Variants in MCTP1 observed in about 807,000 individuals in gnomAD.
The protein encoded by MCTP1 is multiple C2 and transmembrane domain-containing protein 1.
MCTP1 carries 69 observed loss-of-function variants against 120.6 expected under a neutral mutation model. The ratio of observed to expected loss-of-function variants is 0.57; its 90% confidence interval spans 0.47 to 0.70. The LOEUF is 0.70. MCTP1 is among the 30% of genes least tolerant of loss of function. MCTP1 has a pLI of 0.00. For synonymous variants in MCTP1, 529 were observed against 493.1 expected (o/e 1.07, Z -0.96); for missense variants, 1,203 against 1,248.8 (o/e 0.96, Z 0.55).
Position 94,735,790 on chromosome 5 carries a change from A to C in MCTP1, c.2611-20904T>G, listed in dbSNP as rs1398272095. On this transcript the variant is annotated intron_variant, in intron 19 of 22. Transcript: ENST00000515393. The stretch of plus-strand genomic sequence containing the variant: ...CACCAAAATTGCTACACTAAAAGAG[A>C]CTTTAAAATATATCTGTGCATTATA... Among the ~76,000 whole-genome samples, 3 of 142 alleles carry C rather than the reference A, an allele frequency of 0.021. No individual in the cohort carries two copies. In the Middle Eastern group the frequency reaches 0.5, roughly 24 times the overall value. The allele number at this position is 142 out of a possible 152,430, so 0.1% of individuals were successfully genotyped here.
intron 17 of MCTP1, among the ~76,000 whole-genome samples, chr5:94,861,338 C>T (rs1231269959): frequency 6.6e-6 from 1 of 151,824 alleles, no homozygotes; most frequent in African/African-American, 2.4e-5. Context: ...AATTAACGAA[C>T]ACATTCATAA....
chr5:94,772,136 C>T (rs1327109362), intron 19 of MCTP1, among the ~76,000 whole-genome samples: 2 of 152,150 alleles, frequency 1.3e-5, no homozygotes, highest in African/African-American at 2.4e-5. Context: ...AGGTCCTTCT[C>T]ATACTTGATG....
chr5:94,741,702 C>T (rs987945489), intron 19 of MCTP1, among the ~76,000 whole-genome samples: 1 of 152,198 alleles, frequency 6.6e-6, no homozygotes, highest in Non-Finnish European at 1.5e-5. Flanking sequence ...GTAAGAACCT[C>T]GTCTAGCAAA....
rs57665768 is a variant in MCTP1, at chr5:95,066,189, C to CA, written c.721-48706dup. ...ACCAAATAATCAAACTTAAAAATGA[C>CA]AAAGACCTGAATAGATCTTCCTGAA... On this transcript the variant is annotated intron_variant, in intron 1 of 22. Transcript: ENST00000515393. 8.9e-3 allele frequency among the ~76,000 whole-genome samples: 1,358 copies of CA among 152,148 alleles called. 21 individuals carry two copies. The highest frequency in any genetic ancestry group is 0.031 in the African/African-American group (1,267 of 41,528).
chr5:94,930,227 TTACATTTAAATA>T (rs70978139), intron 6 of MCTP1, among the ~76,000 whole-genome samples: 19,757 of 149,096 alleles, frequency 0.13, 1,421 homozygotes, highest in African/African-American at 0.16. Context: ...AAAATTATAT[TTACATTTAAATA>T]TACATTTAAT....
intron 8 of MCTP1, among the ~76,000 whole-genome samples, chr5:94,914,758 T>G (rs1289978992): frequency 6.6e-6 from 1 of 152,260 alleles, no homozygotes; most frequent in Admixed American, 6.5e-5. Flanking sequence ...TGCTCCTGTC[T>G]GTTCTCCATA....
intron 9 of MCTP1, among the ~76,000 whole-genome samples, chr5:94,911,733 T>C (rs2153440531): frequency 6.6e-6 from 1 of 152,304 alleles, no homozygotes; most frequent in Admixed American, 6.5e-5. Flanking sequence ...GCCAAAAATA[T>C]AGTTATGACT....
At chr5:95,147,437 C>T (rs1178164988) in intron 1 of MCTP1, among the ~76,000 whole-genome samples, 1 of 152,186 alleles carries the variant, frequency 6.6e-6, no homozygotes, top group Non-Finnish European at 1.5e-5. Flanking sequence ...GAGTTGAACC[C>T]TTTGCCATTA....
At chr5:94,759,175 C>G (rs1221804354) in intron 19 of MCTP1, among the ~76,000 whole-genome samples, 2 of 152,206 alleles carry the variant, frequency 1.3e-5, no homozygotes, top group Admixed American at 6.5e-5. Context: ...CACCAGATCT[C>G]TACAGACAAG....
chr5:94,857,477 T>C (rs1028001894), intron 17 of MCTP1, among the ~76,000 whole-genome samples: 2 of 151,702 alleles, frequency 1.3e-5, no homozygotes, highest in Non-Finnish European at 3.0e-5. Context: ...TGGAGAGCCA[T>C]GCATTTGTGA....
At chr5:94,873,881 T>C (rs1740936872) in intron 12 of MCTP1, among the ~76,000 whole-genome samples, 1 of 151,986 alleles carries the variant, frequency 6.6e-6, no homozygotes, top group African/African-American at 2.4e-5. Context: ...GCAGTATTTT[T>C]TTTTTTTCTA....
chr5:95,163,579 C>T (rs1745988080), intron 1 of MCTP1, among the ~76,000 whole-genome samples: 1 of 152,152 alleles, frequency 6.6e-6, no homozygotes, highest in Non-Finnish European at 1.5e-5. Flanking sequence ...ACTGCATATT[C>T]AATAGTATAT....
chr5:95,254,061 A>G (rs1562280221), intron 1 of MCTP1, among the ~76,000 whole-genome samples: 1 of 152,182 alleles, frequency 6.6e-6, no homozygotes, highest in Non-Finnish European at 1.5e-5. Context: ...ACCACAAACT[A>G]CAGAAGCATT....
intron 1 of MCTP1, among the ~76,000 whole-genome samples, chr5:95,200,818 A>G (rs553119363): frequency 6.6e-6 from 1 of 152,222 alleles, no homozygotes. Flanking sequence ...ACAAAAACTG[A>G]TGCGTATGTG....
chr5:94,870,529 AT>A, intron 15 of MCTP1, 38 bp from the exon 16 acceptor site: 1 of 1,375,166 alleles, frequency 7.3e-7, no homozygotes, highest in Non-Finnish European at 1.0e-6. Context: ...GGATTAATAT[AT>A]TACAAATGTT....
intron 1 of MCTP1, among the ~76,000 whole-genome samples, chr5:95,061,045 C>T (rs1748915431): frequency 6.8e-6 from 1 of 146,398 alleles, no homozygotes; most frequent in Non-Finnish European, 1.5e-5. Context: ...CAGCATGAAG[C>T]CATGAAGCCA....
intron 17 of MCTP1, among the ~76,000 whole-genome samples, chr5:94,832,789 A>G (rs1788847414): frequency 6.6e-6 from 1 of 152,214 alleles, no homozygotes; most frequent in Non-Finnish European, 1.5e-5. Flanking sequence ...TTGACACATC[A>G]TTAAGCTCCC....
At chr5:95,252,157 C>A (rs1165478717) in intron 1 of MCTP1, among the ~76,000 whole-genome samples, 1 of 152,150 alleles carries the variant, frequency 6.6e-6, no homozygotes, top group Non-Finnish European at 1.5e-5. Context: ...GGGGACTTGA[C>A]AGCACCATTT....
At chr5:94,789,744 AGTT>A (rs1022615181) in intron 18 of MCTP1, 2 of 152,172 alleles carry the variant, frequency 1.3e-5, no homozygotes, top group African/African-American at 4.8e-5. Context: ...GTATTCTATC[AGTT>A]GTTTGTTTCT....
Sources: gnomAD v4.1 joint callset for allele counts (sites outside exome capture counted in the v4.1 genomes callset) on GRCh38, gnomAD v4.1.1 for gene constraint, MANE v1.5 for transcripts, NCBI Gene and HGNC (gene_info 2026-07-23, HGNC 2026-07-21) for gene names.